Variants in ZNF365 observed in about 807,000 individuals in gnomAD.
The protein encoded by ZNF365 is protein ZNF365.
Under a neutral mutation model 35.0 loss-of-function variants are expected in ZNF365, and 22 were observed. The observed-to-expected ratio is 0.63, with a 90% CI of 0.45 to 0.90. ZNF365 has a LOEUF of 0.90. ZNF365 is among the 40% of genes least tolerant of loss of function. The probability of loss-of-function intolerance (pLI) is 0.00; values close to 1 mark genes in which losing one functional copy is unlikely to be tolerated. For missense variants in ZNF365, 448 were observed against 500.3 expected, an observed-to-expected ratio of 0.90 and a Z score of 1.00; for synonymous variants, 188 against 196.2, an observed-to-expected ratio of 0.96 and a Z score of 0.35.
chr10:62,456,735 C>G (rs548035097), intron 3 of ZNF365, among the ~76,000 whole-genome samples: 2 of 152,274 alleles, frequency 1.3e-5, no homozygotes, highest in Non-Finnish European at 2.9e-5. Context: ...GGTTTCATAT[C>G]CTCTTAGATT....
intron 3 of ZNF365, among the ~76,000 whole-genome samples, chr10:62,433,169 G>A (rs1182421745): frequency 6.6e-6 from 1 of 152,030 alleles, no homozygotes; most frequent in African/African-American, 2.4e-5. Context: ...TAAAAACTGA[G>A]GTAAAGGAAA....
chr10:62,467,347 G>C (rs1274638920), intron 4 of ZNF365, among the ~76,000 whole-genome samples: 1 of 152,210 alleles, frequency 6.6e-6, no homozygotes, highest in African/African-American at 2.4e-5. Context: ...TTTGGAAGAA[G>C]TGAAAACTGG....
chr10:62,388,611 T>A (rs1386970680), intron 3 of ZNF365, 35 bp downstream of exon 3: 2 of 1,608,124 alleles, frequency 1.2e-6, no homozygotes, highest in Admixed American at 3.3e-5. Flanking sequence ...GAGTGTAAGA[T>A]CCCTGTGGTT....
At chr10:62,381,458 A>G (rs1839436697) in intron 2 of ZNF365, among the ~76,000 whole-genome samples, 1 of 151,976 alleles carries the variant, frequency 6.6e-6, no homozygotes, top group South Asian at 2.1e-4. Context: ...CCATTAGTTC[A>G]CTGTGTCCCA....
At chr10:62,477,391 C>T (rs1302269068) in intron 4 of ZNF365, among the ~76,000 whole-genome samples, 1 of 152,114 alleles carries the variant, frequency 6.6e-6, no homozygotes, top group South Asian at 2.1e-4. Context: ...AAACTACATG[C>T]TAGATAAGAA....
intron 3 of ZNF365, among the ~76,000 whole-genome samples, chr10:62,435,110 T>G (rs1473606067): frequency 6.6e-6 from 1 of 152,114 alleles, no homozygotes; most frequent in Non-Finnish European, 1.5e-5. Flanking sequence ...GAAACCAACT[T>G]AAAGAATGAC....
chr10:62,389,631 A>G (rs1839591625), intron 3 of ZNF365, among the ~76,000 whole-genome samples: 1 of 152,194 alleles, frequency 6.6e-6, no homozygotes. Context: ...GTCCAGATGA[A>G]GGAATGAAAT....
chr10:62,402,637 T>G (rs1378596681), downstream of ZNF365, among the ~76,000 whole-genome samples: 2 of 152,202 alleles, frequency 1.3e-5, no homozygotes, highest in East Asian at 3.8e-4. Flanking sequence ...TTCCTATATC[T>G]AAAAGTTATT....
chr10:62,405,241 T>C (rs1280627415), downstream of ZNF365, among the ~76,000 whole-genome samples: 1 of 152,210 alleles, frequency 6.6e-6, no homozygotes, highest in Non-Finnish European at 1.5e-5. Flanking sequence ...TTAGAGATGG[T>C]GTGTGTCATG....
At chr10:62,449,752 G>T (rs1224746333) in intron 3 of ZNF365, among the ~76,000 whole-genome samples, 1 of 150,758 alleles carries the variant, frequency 6.6e-6, no homozygotes, top group African/African-American at 2.4e-5. Context: ...CCTCAAAGTA[G>T]TTCCTCAATC....
At chr10:62,410,033 A>G (rs1409336694) in intron 3 of ZNF365, among the ~76,000 whole-genome samples, 3 of 152,122 alleles carry the variant, frequency 2.0e-5, no homozygotes, top group Admixed American at 6.5e-5. Context: ...AGAATCCCTG[A>G]CTTAGTCATT....
intron 3 of ZNF365, among the ~76,000 whole-genome samples, chr10:62,458,523 T>C (rs932594376): frequency 1.3e-5 from 2 of 152,040 alleles, no homozygotes; most frequent in Non-Finnish European, 2.9e-5. Flanking sequence ...TGTGTGGGTA[T>C]ATAAATGTGT....
At chr10:62,469,769 A>G (rs1258234936) in intron 4 of ZNF365, among the ~76,000 whole-genome samples, 4 of 152,212 alleles carry the variant, frequency 2.6e-5, no homozygotes, top group Admixed American at 6.5e-5. Flanking sequence ...TAATATTTAC[A>G]GTAACCCTGT....
At chr10:62,458,869 T>C (rs143937197) in intron 3 of ZNF365, among the ~76,000 whole-genome samples, 195 of 152,260 alleles carry the variant, frequency 1.3e-3, no homozygotes, top group African/African-American at 4.5e-3. Context: ...TATATTTTGG[T>C]TTTTTGTTGT....
chr10:62,457,918 C>A (rs766263564), intron 3 of ZNF365, among the ~76,000 whole-genome samples: 3 of 152,156 alleles, frequency 2.0e-5, no homozygotes, highest in African/African-American at 7.2e-5. Context: ...CTTTTCACCT[C>A]AAAACACCAA....
At chr10:62,435,221 G>GTC (rs1323706615) in intron 3 of ZNF365, among the ~76,000 whole-genome samples, 1 of 152,166 alleles carries the variant, frequency 6.6e-6, no homozygotes, top group East Asian at 1.9e-4. Context: ...ATGAGCATGT[G>GTC]TCTCTGCATT....
intron 3 of ZNF365, among the ~76,000 whole-genome samples, chr10:62,412,076 AG>A (rs1340282387): frequency 3.9e-5 from 6 of 152,144 alleles, no homozygotes; most frequent in African/African-American, 1.4e-4. Context: ...CACATCAAAA[AG>A]CTTATCCATC....
chr10:62,479,848 T>C, intron 4 of ZNF365: 1 of 1,539,282 alleles, frequency 6.5e-7, no homozygotes, highest in Non-Finnish European at 9.0e-7. Context: ...GCAACTCTAC[T>C]AACTTTCCTT....
chr10:62,382,991 G>A (rs1223765357), intron 2 of ZNF365, among the ~76,000 whole-genome samples: 1 of 152,182 alleles, frequency 6.6e-6, no homozygotes, highest in African/African-American at 2.4e-5. Flanking sequence ...GAATAGAAGA[G>A]AGGCATCAGT....
Sources: gnomAD v4.1 joint callset for allele counts (sites outside exome capture counted in the v4.1 genomes callset) on GRCh38, gnomAD v4.1.1 for gene constraint, MANE v1.5 for transcripts, NCBI Gene and HGNC (gene_info 2026-07-23, HGNC 2026-07-21) for gene names.